The following ZNF407 variants were observed in gnomAD, a reference collection of about 807,000 sequenced individuals.
ZNF407 encodes the protein zinc finger protein 407.
Under a neutral mutation model 131.2 loss-of-function variants are expected in ZNF407, and 17 were observed. The observed-to-expected ratio is 0.13, with a 90% confidence interval of 0.09 to 0.19. The LOEUF (loss-of-function observed/expected upper bound fraction) is 0.19. Ranked by LOEUF, ZNF407 falls within the 10% of genes least tolerant of loss-of-function variation. ZNF407 has a pLI of 1.00. For synonymous variants in ZNF407, 1,156 were observed against 1,062.0 expected, an observed-to-expected ratio of 1.09 and a Z score of -1.72; for missense variants, 2,681 against 2,830.6, an observed-to-expected ratio of 0.95 and a Z score of 1.20.
At chr18:74,982,506 C>T (rs773810875) in intron 8 of ZNF407, among the ~76,000 whole-genome samples, 1 of 152,204 alleles carries the variant, frequency 6.6e-6, no homozygotes, top group Non-Finnish European at 1.5e-5. Context: ...AAGTTGCATT[C>T]AGTTCACCAC....
chr18:74,977,607 A>C (rs907453187), intron 8 of ZNF407, among the ~76,000 whole-genome samples: 1 of 152,230 alleles, frequency 6.6e-6, no homozygotes. Flanking sequence ...GACTGAGTGG[A>C]AAGTATAGAT....
chr18:74,616,334 C>A (rs1983287627), intron 1 of ZNF407, among the ~76,000 whole-genome samples: 1 of 152,140 alleles, frequency 6.6e-6, no homozygotes, highest in Non-Finnish European at 1.5e-5. Flanking sequence ...TTTCAGTAAA[C>A]CTTCAGTTGA....
intron 4 of ZNF407, among the ~76,000 whole-genome samples, chr18:74,855,204 A>T (rs998093315): frequency 6.6e-6 from 1 of 152,158 alleles, no homozygotes; most frequent in Non-Finnish European, 1.5e-5. Context: ...TTTTGCTAAG[A>T]TTGTTTGTTC....
rs180972309 is a variant in ZNF407 at position 74,804,476 on chromosome 18, T to C, written c.4877+22974T>C. 4,419 of 988,468 alleles carry C rather than the reference T, an allele frequency of 4.5e-3. 13 individuals carry two copies. Among genetic ancestry groups the C allele is most frequent in the Non-Finnish European group, 5.0e-3 (4,185 of 831,804 alleles). The allele number at this position is 988,468 out of a possible 1,614,324, so 61.2% of individuals were successfully genotyped here. ...CTTTCGTTAATCAGCACATGGATCT[T>C]GGTTATTTGTACCCTTTTGGGAAAA... On this transcript the variant is annotated intron_variant, in intron 4 of 8. Transcript: ENST00000299687.
intron 3 of ZNF407, among the ~76,000 whole-genome samples, chr18:74,706,945 T>G: frequency 7.0e-5 from 1 of 14,346 alleles, no homozygotes; most frequent in African/African-American, 1.2e-4. Context: ...AGCAGCTTTT[T>G]TTTTTTTTTT....
intron 8 of ZNF407, among the ~76,000 whole-genome samples, chr18:74,964,717 G>A (rs1046806766): frequency 1.3e-5 from 2 of 148,434 alleles, no homozygotes; most frequent in African/African-American, 5.0e-5. Flanking sequence ...AATTTCATTT[G>A]CATTCTACAA....
intron 8 of ZNF407, among the ~76,000 whole-genome samples, chr18:74,942,520 C>T (rs80284631): frequency 0.022 from 3,280 of 152,250 alleles, 137 homozygotes; most frequent in African/African-American, 0.074. Context: ...CTACTTTGAC[C>T]GGTTTGTAAG....
intron 8 of ZNF407, among the ~76,000 whole-genome samples, chr18:74,974,108 A>T (rs1486118031): frequency 6.6e-6 from 1 of 152,220 alleles, no homozygotes; most frequent in East Asian, 1.9e-4. Context: ...GATAGCTAAT[A>T]TGAAAGGAAT....
chr18:74,759,589 G>T (rs1969045292), intron 3 of ZNF407, among the ~76,000 whole-genome samples: 1 of 151,788 alleles, frequency 6.6e-6, no homozygotes, highest in Non-Finnish European at 1.5e-5. Context: ...GGATCAGAAA[G>T]ACCTTGCTGT....
intron 8 of ZNF407, among the ~76,000 whole-genome samples, chr18:74,948,292 T>C (rs1464033308): frequency 2.6e-5 from 4 of 152,212 alleles, no homozygotes; most frequent in African/African-American, 9.6e-5. Flanking sequence ...CTTACTGTTA[T>C]TTATTGTAAC....
At chr18:74,711,810 A>C (rs1454411577) in intron 3 of ZNF407, among the ~76,000 whole-genome samples, 3 of 152,134 alleles carry the variant, frequency 2.0e-5, no homozygotes, top group African/African-American at 7.2e-5. Context: ...TCTCAGGTTC[A>C]AGCGATTCTC....
intron 8 of ZNF407, among the ~76,000 whole-genome samples, chr18:74,943,682 A>G (rs1599256835): frequency 6.6e-6 from 1 of 152,166 alleles, no homozygotes; most frequent in Admixed American, 6.5e-5. Context: ...GTCATGGACT[A>G]TTTCCCGTGA....
In ZNF407 at chr18:75,058,055, G is replaced by T. The variant is rs371241605; in HGVS notation, c.5429-5095G>T. Among the ~76,000 whole-genome samples, 117 of 152,296 alleles carry T rather than the reference G, an allele frequency of 7.7e-4. 1 individual carries two copies. The highest frequency in any genetic ancestry group is 2.6e-3 in the African/African-American group (109 of 41,558). ...CACAGAGGAAGGAGTCAGGTACGCA[G>T]CCCTGTGCTGCTTCCCAGAAGCACA... On this transcript the variant is annotated intron_variant, in intron 8 of 8. Transcript: ENST00000299687.
At chr18:75,047,760 T>C (rs1973452288) in intron 8 of ZNF407, among the ~76,000 whole-genome samples, 2 of 152,236 alleles carry the variant, frequency 1.3e-5, no homozygotes, top group African/African-American at 4.8e-5. Flanking sequence ...CTGAGATGTA[T>C]AGTGTCACTC....
chr18:74,909,558 T>G (rs1237630531), intron 7 of ZNF407, among the ~76,000 whole-genome samples: 1 of 152,162 alleles, frequency 6.6e-6, no homozygotes, highest in African/African-American at 2.4e-5. Context: ...GTGGTTTTTT[T>G]TGTAATTTTC....
chr18:74,809,576 G>C (rs879580121), intron 4 of ZNF407, among the ~76,000 whole-genome samples: 7 of 152,186 alleles, frequency 4.6e-5, no homozygotes, highest in Admixed American at 1.3e-4. Context: ...CTTCTGTTAA[G>C]TGAGGAAAAG....
chr18:74,897,593 G>T (rs1400046980), intron 7 of ZNF407, among the ~76,000 whole-genome samples: 1 of 152,120 alleles, frequency 6.6e-6, no homozygotes, highest in East Asian at 1.9e-4. Flanking sequence ...TGTATATATT[G>T]TGGAAGAAAG....
At chr18:74,838,439 C>G (rs1213638711) in intron 4 of ZNF407, among the ~76,000 whole-genome samples, 1 of 152,206 alleles carries the variant, frequency 6.6e-6, no homozygotes, top group Non-Finnish European at 1.5e-5. Flanking sequence ...CCACTCCTTA[C>G]AGGATGGTTT....
chr18:74,653,454 T>C (rs959846337), intron 3 of ZNF407, among the ~76,000 whole-genome samples: 3 of 151,856 alleles, frequency 2.0e-5, no homozygotes, highest in African/African-American at 7.2e-5. Flanking sequence ...TTTATAAAAT[T>C]ATAATTTTGT....
Sources: gnomAD v4.1 joint callset for allele counts (sites outside exome capture counted in the v4.1 genomes callset) on GRCh38, gnomAD v4.1.1 for gene constraint, MANE v1.5 for transcripts, NCBI Gene and HGNC (gene_info 2026-07-23, HGNC 2026-07-21) for gene names.